The following ABHD12 variants were observed in gnomAD, a reference collection of about 807,000 sequenced individuals.
ABHD12 encodes lysophosphatidylserine lipase ABHD12.
Under a neutral mutation model 58.3 loss-of-function variants are expected in ABHD12, and 43 were observed. That is an observed-to-expected ratio of 0.74 (90% CI 0.58 to 0.95). The LOEUF (loss-of-function observed/expected upper bound fraction) is 0.95. Ranked by LOEUF, ABHD12 falls within the 40% of genes least tolerant of loss-of-function variation. The pLI is 0.00. For synonymous variants in ABHD12, 219 were observed against 211.2 expected (o/e 1.04, Z -0.32); for missense variants, 539 against 537.2 (o/e 1.00, Z -0.03).
intron 10 of ABHD12, 45 bp downstream of exon 10, chr20:25,306,788 A>T (rs752637108): frequency 7.2e-7 from 1 of 1,385,028 alleles, no homozygotes; most frequent in South Asian, 1.2e-5. Context: ...AGGTTCTCAG[A>T]GTTTTTCTAA....
intron 1 of ABHD12, among the ~76,000 whole-genome samples, chr20:25,372,916 T>C (rs1468626340): frequency 6.6e-6 from 1 of 152,236 alleles, no homozygotes; most frequent in East Asian, 1.9e-4. Flanking sequence ...GCTCCAATCA[T>C]GGTAAGTGCC....
chr20:25,344,159 TTAA>T (rs1402966217), intron 1 of ABHD12, among the ~76,000 whole-genome samples: 2 of 152,200 alleles, frequency 1.3e-5, no homozygotes, highest in African/African-American at 4.8e-5. Flanking sequence ...AACATCTTAC[TTAA>T]TGATGAAAAG....
In ABHD12 at chr20:25,390,546, G is replaced by A. The variant is rs753426106; in HGVS notation, c.158C>T (p.Ala53Val). ...CGCCCGCTTCATTCCCGCGTCGGCTGCGCAGCGCGGCTCAGCCGCCGCCGG... is the reference window on the plus strand; with the variant it reads ...CGCCCGCTTCATTCCCGCGTCGGCTACGCAGCGCGGCTCAGCCGCCGCCGG... ...TGPAAAEPRC[A>V]ADAGMKRALG... The change falls in exon 1 of 13, where the codon GCA (alanine) becomes GTA (valine). Residue 53 changes from alanine (A) to valine (V), a missense_variant. Transcript: ENST00000339157. 4.1e-6 allele frequency: 6 copies of A among 1,462,672 alleles called. No homozygotes were observed. The highest frequency in any genetic ancestry group is 1.3e-5 in the South Asian group (1 of 78,650). The allele number at this position is 1,462,672 out of a possible 1,614,324, so 90.6% of individuals were successfully genotyped here. A position where few individuals can be genotyped will look rare whatever the true frequency, so the allele number is the denominator to read the frequency against.
chr20:25,301,208 C>T (rs1260268237), intron 12 of ABHD12, among the ~76,000 whole-genome samples: 1 of 152,182 alleles, frequency 6.6e-6, no homozygotes, highest in East Asian at 1.9e-4. Flanking sequence ...GCAAAGCAAA[C>T]CCATACTCTG....
At chr20:25,347,463 C>T (rs2089534661) in intron 1 of ABHD12, among the ~76,000 whole-genome samples, 1 of 152,012 alleles carries the variant, frequency 6.6e-6, no homozygotes, top group Non-Finnish European at 1.5e-5. Context: ...TATTTTAATA[C>T]CTAAGAGTAT....
At chr20:25,304,610 C>T (rs2088700930) in intron 10 of ABHD12, among the ~76,000 whole-genome samples, 1 of 152,178 alleles carries the variant, frequency 6.6e-6, no homozygotes, top group Non-Finnish European at 1.5e-5. Flanking sequence ...GCTCTTTCAC[C>T]AGGCTGGAGT....
intron 2 of ABHD12, among the ~76,000 whole-genome samples, chr20:25,334,163 AACAG>A (rs1166274209): frequency 1.5e-4 from 23 of 151,154 alleles, no homozygotes; most frequent in African/African-American, 5.4e-4. Context: ...ATACACCAAC[AACAG>A]ACAGAGAGCC....
chr20:25,384,013 G>A lies in ABHD12; in HGVS notation c.191+6500C>T, dbSNP rs184455441. 1.2e-3 allele frequency among the ~76,000 whole-genome samples: 174 copies of A among 149,280 alleles called. 1 individual carries two copies. The East Asian group carries it at 0.015, about 13-fold the overall frequency. ...AAAAATTAGCCGGGCATGGTGGCGG[G>A]CGCCCATAGTCCCAGCTACTCAGGA... On this transcript the variant is annotated intron_variant, in intron 1 of 12. Coordinates refer to ENST00000339157, the MANE Select transcript of ABHD12 (RefSeq NM_001042472.3).
chr20:25,350,295 T>C (rs1284697964), intron 1 of ABHD12, among the ~76,000 whole-genome samples: 1 of 152,096 alleles, frequency 6.6e-6, no homozygotes, highest in Non-Finnish European at 1.5e-5. Context: ...AACTGGAAGA[T>C]AAAAAAATAG....
intron 1 of ABHD12, among the ~76,000 whole-genome samples, chr20:25,360,227 C>CTTTTTTGTTTTTTTTTT (rs2089726800): frequency 2.7e-5 from 1 of 37,392 alleles, no homozygotes; most frequent in Admixed American, 4.4e-4. Context: ...GAACACGTTA[C>CTTTTTTGTTTTTTTTTT]TTTTTTTTTT....
chr20:25,355,017 A>G (rs2089648991), intron 1 of ABHD12, among the ~76,000 whole-genome samples: 1 of 152,180 alleles, frequency 6.6e-6, no homozygotes, highest in African/African-American at 2.4e-5. Context: ...AAGAGGTCTG[A>G]GCTGTCAATG....
intron 1 of ABHD12, among the ~76,000 whole-genome samples, chr20:25,374,227 T>C (rs1241011714): frequency 1.3e-5 from 2 of 152,038 alleles, no homozygotes; most frequent in Non-Finnish European, 2.9e-5. Context: ...ACACACATGG[T>C]CGGAGTACAG....
chr20:25,355,233 C>G (rs1317868410), intron 1 of ABHD12, among the ~76,000 whole-genome samples: 4 of 152,102 alleles, frequency 2.6e-5, no homozygotes, highest in Non-Finnish European at 5.9e-5. Flanking sequence ...TAATGCAGCC[C>G]CTCCAGACTA....
chr20:25,324,118 G>A (rs1185874801), intron 2 of ABHD12, among the ~76,000 whole-genome samples: 2 of 152,216 alleles, frequency 1.3e-5, no homozygotes, highest in Non-Finnish European at 2.9e-5. Context: ...AGGACAGCGA[G>A]TGAATTAACC....
chr20:25,325,278 G>A (rs1201103507), intron 2 of ABHD12, among the ~76,000 whole-genome samples: 1 of 151,902 alleles, frequency 6.6e-6, no homozygotes, highest in Non-Finnish European at 1.5e-5. Context: ...CTGCCTCCTG[G>A]CTGGCTGGAC....
chr20:25,368,862 C>T, intron 1 of ABHD12: 2 of 453,222 alleles, frequency 4.4e-6, no homozygotes, highest in Non-Finnish European at 8.4e-6. Flanking sequence ...CGCAGTGGCT[C>T]ATGCCTGTAA....
chr20:25,314,311 G>A (rs992915042), intron 6 of ABHD12, among the ~76,000 whole-genome samples: 4 of 152,090 alleles, frequency 2.6e-5, no homozygotes, highest in African/African-American at 9.7e-5. Flanking sequence ...ACTTTAACAA[G>A]ACAAGCTTTG....
At chr20:25,368,229 C>T (rs2089850596) in intron 1 of ABHD12, 1 of 1,424,624 alleles carries the variant, frequency 7.0e-7, no homozygotes, top group African/African-American at 1.4e-5. Flanking sequence ...TCCTGAGCTA[C>T]AGAAGGAATG....
intron 2 of ABHD12, among the ~76,000 whole-genome samples, chr20:25,330,818 C>G (rs1173027799): frequency 6.6e-6 from 1 of 152,180 alleles, no homozygotes; most frequent in South Asian, 2.1e-4. Flanking sequence ...ATCTGTACAT[C>G]ACCATCATCA....
Sources: allele counts gnomAD v4.1 joint callset (sites outside exome capture counted in the v4.1 genomes callset), GRCh38; gene constraint gnomAD v4.1.1; transcripts MANE v1.5; gene names NCBI Gene and HGNC (gene_info 2026-07-23, HGNC 2026-07-21).